PLEK2: variants seen among roughly 807,000 people sequenced by gnomAD.
The protein encoded by PLEK2 is pleckstrin 2, also known as pleckstrin-2.
A neutral mutation model predicts 43.8 loss-of-function variants in PLEK2; 29 were observed. The observed-to-expected ratio is 0.66, with a 90% CI of 0.49 to 0.90. The LOEUF is 0.90. Among genes scored for constraint, PLEK2 ranks in the 40% least tolerant of loss-of-function variants. The pLI is 0.00. For missense variants in PLEK2, 398 were observed against 448.1 expected (o/e 0.89, Z 1.01); for synonymous variants, 162 against 173.2 (o/e 0.94, Z 0.51).
intron 1 of PLEK2, among the ~76,000 whole-genome samples, chr14:67,401,527 A>C (rs1237446812): frequency 1.3e-5 from 2 of 151,814 alleles, no homozygotes; most frequent in Non-Finnish European, 2.9e-5. Flanking sequence ...CAACAATAAT[A>C]ATAATTTTAA....
intron 7 of PLEK2, among the ~76,000 whole-genome samples, chr14:67,389,685 G>C (rs2085952971): frequency 6.6e-6 from 1 of 151,930 alleles, no homozygotes; most frequent in Non-Finnish European, 1.5e-5. Context: ...TATTTTAAAA[G>C]CTGAGACAGC....
intron 1 of PLEK2, among the ~76,000 whole-genome samples, chr14:67,406,991 G>A (rs1311020813): frequency 6.6e-6 from 1 of 152,138 alleles, no homozygotes. Context: ...GGTGCTTGGA[G>A]TTCCCTGGAT....
At chr14:67,392,511 T>C in intron 5 of PLEK2, 84 bp from the exon 6 acceptor site, 1 of 1,277,234 alleles carries the variant, frequency 7.8e-7, no homozygotes, top group African/African-American at 1.5e-5. Flanking sequence ...GAAAGGAAAT[T>C]CCTCAGGACA....
intron 2 of PLEK2, among the ~76,000 whole-genome samples, chr14:67,397,054 T>A (rs1395321527): frequency 2.9e-5 from 3 of 104,538 alleles, no homozygotes; most frequent in African/African-American, 2.0e-4. Flanking sequence ...TTCTCCTGCC[T>A]CAGCCTCCCA....
chr14:67,408,956 T>C lies in PLEK2; in HGVS notation c.42+3062A>G, dbSNP rs74202982. Among the ~76,000 whole-genome samples, 66 of 151,598 alleles carry C rather than the reference T, an allele frequency of 4.4e-4. 1 individual carries two copies. The East Asian group carries it at 0.013, about 29-fold the overall frequency. On this transcript the variant is annotated intron_variant, in intron 1 of 8. Transcript: ENST00000216446. ...AATGATCCTTTATTGGCCAGGCGCC[T>C]ATAATCCCAGCACTTAGAGAGGCCA...
intron 1 of PLEK2, among the ~76,000 whole-genome samples, chr14:67,411,619 A>G (rs2086115599): frequency 6.6e-6 from 1 of 152,208 alleles, no homozygotes; most frequent in African/African-American, 2.4e-5. Context: ...GGCCAACAGT[A>G]AGTGCTTAAG....
intron 1 of PLEK2, among the ~76,000 whole-genome samples, chr14:67,406,948 G>A (rs1164985292): frequency 2.0e-5 from 3 of 152,072 alleles, no homozygotes; most frequent in Admixed American, 6.5e-5. Flanking sequence ...TCTGTAATCC[G>A]CTGGCTGGAA....
chr14:67,393,047 A>C, intron 4 of PLEK2, 103 bp downstream of exon 4: 1 of 980,784 alleles, frequency 1.0e-6, no homozygotes, highest in Middle Eastern at 3.0e-4. Flanking sequence ...GTTGCCCAGC[A>C]GGCAGCTCTG....
rs774398031 is a variant in PLEK2, at chr14:67,397,681, A to G, written c.188T>C (p.Leu63Pro). The G allele has an allele frequency of 1.9e-6, 3 of 1,612,110 alleles. No individual in the cohort carries two copies. In the East Asian group the frequency reaches 6.7e-5, roughly 36 times the overall value. The change falls in exon 2 of 9, where the codon CTG (leucine) becomes CCG (proline). Residue 63 changes from leucine to proline, a missense_variant. Leu to Pro is a moderately conservative substitution (Grantham distance 98). Coordinates refer to ENST00000216446, the MANE Select transcript of PLEK2 (RefSeq NM_016445.3). ...LDGCTITCPC[L>P]EYENRPLLIK... ...ACTTACCGGTCGGTTTTCATACTCC[A>G]GGCAGGGGCAGGTGATGGTGCAGCC...
At chr14:67,403,411 T>C (rs1341116867) in intron 1 of PLEK2, among the ~76,000 whole-genome samples, 1 of 152,208 alleles carries the variant, frequency 6.6e-6, no homozygotes, top group Non-Finnish European at 1.5e-5. Context: ...AATAGAAACA[T>C]CTTCAAACAG....
In PLEK2 at chr14:67,409,775, C is replaced by T. The variant is rs190039982; in HGVS notation, c.42+2243G>A. Among the ~76,000 whole-genome samples the T allele has an allele frequency of 2.8e-3, 430 of 152,364 alleles. 1 individual carries two copies. The highest frequency in any genetic ancestry group is 9.8e-3 in the African/African-American group (409 of 41,586). On this transcript the variant is annotated intron_variant, in intron 1 of 8. Transcript: ENST00000216446. ...GCTTCCAACGCAGGCCCTGCCCCAC[C>T]TCTGAGCTCTTAACTCTCCTAAGAC... is the stretch of plus-strand genomic sequence containing the variant.
At chr14:67,388,149 C>G in intron 8 of PLEK2, 75 bp downstream of exon 8, 6 of 923,130 alleles carry the variant, frequency 6.5e-6, no homozygotes, top group Non-Finnish European at 8.9e-6. Context: ...GCTGTCATTT[C>G]ATTAGTGGGA....
chr14:67,399,745 T>A (rs2086035269), intron 1 of PLEK2, among the ~76,000 whole-genome samples: 1 of 151,362 alleles, frequency 6.6e-6, no homozygotes. Context: ...GTGGCAGGAA[T>A]AAAGAGAAGG....
intron 1 of PLEK2, 62 bp from the exon 2 acceptor site, chr14:67,397,888 A>AG (rs2086022317): frequency 7.1e-7 from 1 of 1,402,212 alleles, no homozygotes; most frequent in East Asian, 2.4e-5. Flanking sequence ...GTGTTCAGGG[A>AG]GGGGGTGTCT....
intron 1 of PLEK2, among the ~76,000 whole-genome samples, chr14:67,408,339 TAAAATAAAATAAAATAAAAA>T (rs1157500920): frequency 1.2e-4 from 17 of 141,670 alleles, no homozygotes; most frequent in African/African-American, 4.4e-4. Flanking sequence ...TAAAATAAAA[TAAAATAAAATAAAATAAAAA>T]AAGAAAAAAC....
intron 5 of PLEK2, 26 bp from the exon 6 acceptor site, chr14:67,392,453 T>C: frequency 6.5e-7 from 1 of 1,550,368 alleles, no homozygotes; most frequent in Non-Finnish European, 8.9e-7. Context: ...GAGCAAGGAC[T>C]CTGCTACAGA....
At chr14:67,398,135 C>T (rs1182763355) in intron 1 of PLEK2, 1 of 242,646 alleles carries the variant, frequency 4.1e-6, no homozygotes, top group Non-Finnish European at 7.8e-6. Context: ...TATTGTATTT[C>T]CTTCCGGTCT....
In PLEK2 at chr14:67,412,110, G is replaced by C. The variant is rs1257917644; in HGVS notation, c.-51C>G. 2 of 1,452,338 alleles carry C rather than the reference G, an allele frequency of 1.4e-6. No homozygotes were observed. The highest frequency in any genetic ancestry group is 1.5e-5 in the African/African-American group (1 of 67,564). 90.0% of individuals were successfully genotyped at this position (1,452,338 alleles called of 1,614,324 possible). ...CCCAGGTGCGCCTTCCCCGCGCCTC[G>C]CGCTCCTCGGCACCCGCGCAGCCCG... On this transcript the variant is annotated 5_prime_UTR_variant, in exon 1 of 9. Transcript: ENST00000216446.
chr14:67,401,088 G>A (rs1383485339), intron 1 of PLEK2, among the ~76,000 whole-genome samples: 1 of 152,124 alleles, frequency 6.6e-6, no homozygotes, highest in Non-Finnish European at 1.5e-5. Context: ...CAGTGCCTGA[G>A]ACTGGGAATG....
Sources: allele counts gnomAD v4.1 joint callset (sites outside exome capture counted in the v4.1 genomes callset), GRCh38; gene constraint gnomAD v4.1.1; transcripts MANE v1.5; gene names NCBI Gene and HGNC (gene_info 2026-07-23, HGNC 2026-07-21).